SLC8A1: variants seen among roughly 807,000 people sequenced by gnomAD.
SLC8A1 encodes the protein solute carrier family 8 member A1.
A neutral mutation model predicts 68.3 loss-of-function variants in SLC8A1; 18 were observed. That is an observed-to-expected ratio of 0.26 (90% CI 0.18 to 0.39). The LOEUF is 0.39. Ranked by LOEUF, SLC8A1 falls within the 10% of genes least tolerant of loss-of-function variation. The pLI, the probability that SLC8A1 is intolerant of heterozygous loss-of-function variation, is 1.00. For synonymous variants in SLC8A1, 475 were observed against 415.5 expected, an observed-to-expected ratio of 1.14 and a Z score of -1.74; for missense variants, 985 against 1,156.7, an observed-to-expected ratio of 0.85 and a Z score of 2.15.
At chr2:40,269,366 G>C (rs1177859918) in intron 2 of SLC8A1, among the ~76,000 whole-genome samples, 4 of 152,124 alleles carry the variant, frequency 2.6e-5, no homozygotes, top group African/African-American at 2.4e-5. Context: ...AAAACACCGT[G>C]TGAATGTACC....
intron 2 of SLC8A1, among the ~76,000 whole-genome samples, chr2:40,407,006 G>C (rs1452588437): frequency 6.6e-6 from 1 of 152,044 alleles, no homozygotes; most frequent in East Asian, 1.9e-4. Context: ...AGGCTTACCA[G>C]GTTCTAGGCC....
chr2:40,195,837 G>A (rs2052873473), intron 2 of SLC8A1: 1 of 152,052 alleles, frequency 6.6e-6, no homozygotes. Flanking sequence ...GTAATTGAAG[G>A]CACTGATGTG....
chr2:40,338,537 T>C (rs1666731924), intron 2 of SLC8A1, among the ~76,000 whole-genome samples: 1 of 152,176 alleles, frequency 6.6e-6, no homozygotes, highest in South Asian at 2.1e-4. Flanking sequence ...TTTGATTTTA[T>C]TTCTGCTCTG....
chr2:40,204,717 G>C (rs1440667899), intron 2 of SLC8A1, among the ~76,000 whole-genome samples: 2 of 151,784 alleles, frequency 1.3e-5, no homozygotes, highest in Admixed American at 6.6e-5. Flanking sequence ...AAAGATAAAG[G>C]TGAAAATTTA....
At position 40,207,611 on chromosome 2, in the gene SLC8A1, C is replaced by A. The variant is rs554890296; in HGVS notation, c.1809-29756G>T. ...AAATATATTTTTATATTAAACAAAT[C>A]CACATTAAGAAGATGAAAATAATAT... On this transcript the variant is annotated intron_variant, in intron 2 of 7. Transcript: ENST00000406785. Among the ~76,000 whole-genome samples the A allele has an allele frequency of 8.7e-4, 132 of 152,012 alleles. 1 individual carries two copies. Among genetic ancestry groups the A allele is most frequent in the Non-Finnish European group, 1.6e-3 (109 of 67,968 alleles).
chr2:40,401,434 T>A (rs1020495020), intron 2 of SLC8A1, among the ~76,000 whole-genome samples: 6 of 151,694 alleles, frequency 4.0e-5, no homozygotes, highest in South Asian at 2.1e-4. Flanking sequence ...CTATTTTTTT[T>A]AACATGATTC....
chr2:40,255,746 G>C (rs1469027000), intron 2 of SLC8A1, among the ~76,000 whole-genome samples: 1 of 152,192 alleles, frequency 6.6e-6, no homozygotes, highest in Admixed American at 6.5e-5. Context: ...GTTAAGGGTA[G>C]ACTATCACGG....
chr2:40,228,814 CAG>C (rs2059304129), intron 2 of SLC8A1, among the ~76,000 whole-genome samples: 1 of 152,062 alleles, frequency 6.6e-6, no homozygotes. Context: ...GGTGAGGTGT[CAG>C]GGGTGGAGGA....
chr2:40,451,850 A>G (rs948681182), intron 1 of SLC8A1, 54 bp downstream of exon 1: 5 of 153,034 alleles, frequency 3.3e-5, no homozygotes, highest in Admixed American at 6.5e-5. Context: ...CAAATGGAAA[A>G]TAGTTCTTGG....
intron 1 of SLC8A1, among the ~76,000 whole-genome samples, chr2:40,441,365 A>C (rs1700445316): frequency 6.6e-6 from 1 of 150,828 alleles, no homozygotes; most frequent in Admixed American, 6.6e-5. Context: ...TATTCCCATC[A>C]AACTACCATT....
At chr2:40,165,749 A>G (rs768877368) in intron 4 of SLC8A1, among the ~76,000 whole-genome samples, 4 of 152,134 alleles carry the variant, frequency 2.6e-5, no homozygotes, top group Non-Finnish European at 5.9e-5. Flanking sequence ...CCAGGAGAGG[A>G]CGGTGGGTGC....
chr2:40,134,379 A>C (rs766238114), intron 7 of SLC8A1, among the ~76,000 whole-genome samples: 1 of 152,142 alleles, frequency 6.6e-6, no homozygotes, highest in Middle Eastern at 3.2e-3. Context: ...GGTGTGAGCT[A>C]CCGCACCTGG....
intron 2 of SLC8A1, among the ~76,000 whole-genome samples, chr2:40,411,601 A>G (rs893840774): frequency 1.3e-5 from 2 of 152,040 alleles, no homozygotes; most frequent in Non-Finnish European, 1.5e-5. Context: ...AACCTGAAAA[A>G]ACAAAAACAA....
At chr2:40,262,961 A>T (rs779290069) in intron 2 of SLC8A1, among the ~76,000 whole-genome samples, 3 of 152,240 alleles carry the variant, frequency 2.0e-5, no homozygotes, top group African/African-American at 4.8e-5. Flanking sequence ...GTCCTTAGCA[A>T]ATGGCCCTCC....
At chr2:40,205,379 A>C (rs764333100) in intron 2 of SLC8A1, among the ~76,000 whole-genome samples, 2 of 152,062 alleles carry the variant, frequency 1.3e-5, no homozygotes, top group Non-Finnish European at 2.9e-5. Flanking sequence ...AAGGAACTTA[A>C]GGTATGATGT....
chr2:40,247,184 G>A (rs1039072960), intron 2 of SLC8A1, among the ~76,000 whole-genome samples: 2 of 152,284 alleles, frequency 1.3e-5, no homozygotes, highest in South Asian at 2.1e-4. Flanking sequence ...GAGCCTTGGT[G>A]AGTTTTCCAA....
chr2:40,159,620 T>G (rs898535496), intron 6 of SLC8A1, among the ~76,000 whole-genome samples: 2 of 152,192 alleles, frequency 1.3e-5, no homozygotes, highest in Non-Finnish European at 2.9e-5. Context: ...CTTAGATTTA[T>G]AGAAAAACAT....
intron 2 of SLC8A1, among the ~76,000 whole-genome samples, chr2:40,252,991 A>G (rs2063114799): frequency 1.4e-5 from 2 of 138,116 alleles, no homozygotes. Flanking sequence ...ATCTGTATAT[A>G]TGTATATACA....
intron 2 of SLC8A1, among the ~76,000 whole-genome samples, chr2:40,366,845 C>G (rs768953506): frequency 1.8e-4 from 27 of 151,552 alleles, no homozygotes; most frequent in Non-Finnish European, 3.7e-4. Context: ...TTTGCCATCG[C>G]CAAGAAATTT....
Sources: allele counts gnomAD v4.1 joint callset (sites outside exome capture counted in the v4.1 genomes callset), GRCh38; gene constraint gnomAD v4.1.1; transcripts MANE v1.5; gene names NCBI Gene and HGNC (gene_info 2026-07-23, HGNC 2026-07-21).